The following UGT1A10 variants were observed in gnomAD, a reference collection of about 807,000 sequenced individuals.
UGT1A10 encodes the protein UDP-glucuronosyltransferase 1A10.
A neutral mutation model predicts 45.8 loss-of-function variants in UGT1A10; 49 were observed. The ratio of observed to expected loss-of-function variants is 1.07; its 90% CI spans 0.85 to 1.36. The LOEUF (loss-of-function observed/expected upper bound fraction) is 1.36. Among genes scored for constraint, UGT1A10 ranks in the 40% most tolerant of loss-of-function variants. The probability of loss-of-function intolerance (pLI) is 0.00; values close to 1 mark genes in which losing one functional copy is unlikely to be tolerated. For synonymous variants in UGT1A10, 284 were observed against 249.7 expected, an observed-to-expected ratio of 1.14 and a Z score of -1.29; for missense variants, 745 against 668.6, an observed-to-expected ratio of 1.11 and a Z score of -1.26.
chr2:233,686,767 G>A (rs764503314), intron 1 of UGT1A10, among the ~76,000 whole-genome samples: 8 of 152,058 alleles, frequency 5.3e-5, no homozygotes, highest in Non-Finnish European at 8.8e-5. Flanking sequence ...TTTATTTTAT[G>A]CAACACTCCA....
At chr2:233,729,286 A>G (rs751108537) in intron 1 of UGT1A10, 2 of 1,614,248 alleles carry the variant, frequency 1.2e-6, no homozygotes, top group Non-Finnish European at 1.7e-6. Context: ...GCTCCATGCC[A>G]GAGGCCACCA....
At chr2:233,753,469 A>T (rs28900386) in intron 1 of UGT1A10, 9 of 152,358 alleles carry the variant, frequency 5.9e-5, no homozygotes, top group African/African-American at 1.9e-4. Flanking sequence ...TCTGTAAAAA[A>T]TTACCAGCAT....
chr2:233,762,045 A>G (rs187851388), intron 1 of UGT1A10, among the ~76,000 whole-genome samples: 1 of 151,958 alleles, frequency 6.6e-6, no homozygotes, highest in African/African-American at 2.4e-5. Flanking sequence ...TTTTCTGTGC[A>G]TTTTCCTTCA....
At chr2:233,760,808 C>T in intron 1 of UGT1A10, 3 of 1,613,442 alleles carry the variant, frequency 1.9e-6, no homozygotes, top group Non-Finnish European at 2.5e-6. Flanking sequence ...TTCTTGCATG[C>T]ACTGCCATGC....
chr2:233,664,513 G>A (rs1477231301), intron 1 of UGT1A10, among the ~76,000 whole-genome samples: 9 of 152,294 alleles, frequency 5.9e-5, no homozygotes, highest in East Asian at 1.9e-4. Context: ...CAAGCATGGC[G>A]CTGCCATCTG....
chr2:233,680,974 G>T (rs2074504580), intron 1 of UGT1A10, among the ~76,000 whole-genome samples: 1 of 151,968 alleles, frequency 6.6e-6, no homozygotes, highest in African/African-American at 2.4e-5. Flanking sequence ...AGGGTCCATG[G>T]AGGCAGGGTT....
intron 1 of UGT1A10, among the ~76,000 whole-genome samples, chr2:233,662,405 G>C (rs2073991938): frequency 6.6e-6 from 1 of 152,008 alleles, no homozygotes; most frequent in African/African-American, 2.4e-5. Flanking sequence ...CAACAAATCT[G>C]CCCATAAATG....
At chr2:233,639,434 G>A (rs990941527) in intron 1 of UGT1A10, among the ~76,000 whole-genome samples, 1 of 152,168 alleles carries the variant, frequency 6.6e-6, no homozygotes, top group Non-Finnish European at 1.5e-5. Flanking sequence ...TCAAAAGAAC[G>A]ATGAACACTG....
At chr2:233,669,483 GT>G (rs2074138434) in intron 1 of UGT1A10, among the ~76,000 whole-genome samples, 1 of 152,036 alleles carries the variant, frequency 6.6e-6, no homozygotes, top group Admixed American at 6.5e-5. Context: ...CCAATGTTTT[GT>G]TGTTTTCAGT....
chr2:233,719,808 A>G (rs2125672153), intron 1 of UGT1A10: 1 of 1,592,844 alleles, frequency 6.3e-7, no homozygotes, highest in Non-Finnish European at 8.5e-7. Context: ...TGGCTTCTTT[A>G]TAACAGATAA....
rs530323805 is a variant in UGT1A10, at chr2:233,662,441, G to A, written c.855+25064G>A. On this transcript the variant is annotated intron_variant, in intron 1 of 4. Transcript: ENST00000344644. Reference sequence around the variant, plus strand: ...GACCAACACCGTTGAAACTCTTAATGTTCATGAGTAACCATTTATATAAAT... The same window carrying A: ...GACCAACACCGTTGAAACTCTTAATATTCATGAGTAACCATTTATATAAAT... Among the ~76,000 whole-genome samples, 3 of 152,088 alleles carry A rather than the reference G, an allele frequency of 2.0e-5. No homozygotes were observed. In the South Asian group the frequency reaches 6.2e-4, roughly 32 times the overall value.
chr2:233,699,971 A>G (rs1575467099), intron 1 of UGT1A10, among the ~76,000 whole-genome samples: 1 of 152,190 alleles, frequency 6.6e-6, no homozygotes, highest in Admixed American at 6.5e-5. Flanking sequence ...CCCGTCCCCC[A>G]ACTCCCAACA....
intron 1 of UGT1A10, among the ~76,000 whole-genome samples, chr2:233,696,605 C>CCTTT (rs57635371): frequency 7.9e-5 from 12 of 151,622 alleles, no homozygotes; most frequent in African/African-American, 2.7e-4. Flanking sequence ...ACTTGGATGC[C>CCTTT]CTTTCTTTCT....
At chr2:233,678,232 G>A (rs1271694753) in intron 1 of UGT1A10, among the ~76,000 whole-genome samples, 1 of 152,124 alleles carries the variant, frequency 6.6e-6, no homozygotes, top group Non-Finnish European at 1.5e-5. Flanking sequence ...TTGGGTGATG[G>A]GAGCAATCAT....
At chr2:233,641,796 T>G (rs888312988) in intron 1 of UGT1A10, among the ~76,000 whole-genome samples, 1 of 152,138 alleles carries the variant, frequency 6.6e-6, no homozygotes, top group Non-Finnish European at 1.5e-5. Flanking sequence ...GGTAAAAGGT[T>G]TTTTTTTCTT....
chr2:233,672,436 T>C, intron 1 of UGT1A10: 1 of 1,614,006 alleles, frequency 6.2e-7, no homozygotes, highest in Non-Finnish European at 8.5e-7. Context: ...CTCCGTGGTC[T>C]TCGCCAGGGG....
At chr2:233,750,064 T>C (rs1472554795) in intron 1 of UGT1A10, among the ~76,000 whole-genome samples, 1 of 151,832 alleles carries the variant, frequency 6.6e-6, no homozygotes, top group East Asian at 1.9e-4. Context: ...ACTTTGGAAC[T>C]GGGTAACAGG....
intron 1 of UGT1A10, among the ~76,000 whole-genome samples, chr2:233,715,165 C>T (rs971455001): frequency 3.9e-5 from 6 of 152,048 alleles, no homozygotes; most frequent in East Asian, 1.9e-4. Flanking sequence ...GAATTACAGG[C>T]GCGAGCCACC....
At chr2:233,689,006 A>C (rs890693813) in intron 1 of UGT1A10, among the ~76,000 whole-genome samples, 2 of 152,152 alleles carry the variant, frequency 1.3e-5, no homozygotes, top group Non-Finnish European at 2.9e-5. Flanking sequence ...GGGTCTCTTT[A>C]CTTCATAAAC....
Sources: gnomAD v4.1 joint callset for allele counts (sites outside exome capture counted in the v4.1 genomes callset) on GRCh38, gnomAD v4.1.1 for gene constraint, MANE v1.5 for transcripts, NCBI Gene and HGNC (gene_info 2026-07-23, HGNC 2026-07-21) for gene names.